Variants in MACF1 observed in about 807,000 individuals in gnomAD.
MACF1 encodes microtubule actin crosslinking factor 1.
Under a neutral mutation model 854.8 loss-of-function variants are expected in MACF1, and 193 were observed. The ratio of observed to expected loss-of-function variants is 0.23; its 90% CI spans 0.20 to 0.25. MACF1 has a LOEUF of 0.25. Ranked by LOEUF, MACF1 falls within the 10% of genes least tolerant of loss-of-function variation. The pLI is 1.00. For synonymous variants in MACF1, 3,185 were observed against 3,226.7 expected (o/e 0.99, Z 0.44); for missense variants, 7,722 against 8,929.1 (o/e 0.86, Z 5.45).
At chr1:39,182,087 GT>G (rs1644111599) in intron 2 of MACF1, among the ~76,000 whole-genome samples, 1 of 151,540 alleles carries the variant, frequency 6.6e-6, no homozygotes, top group African/African-American at 2.4e-5. Flanking sequence ...GGAGGCAGAG[GT>G]TGCAGTGAGC....
At position 39,300,387 on chromosome 1, in the gene MACF1, T is replaced by C. The variant is rs767047334; in HGVS notation, c.2634+25T>C. 4 of 1,601,694 alleles carry C rather than the reference T, an allele frequency of 2.5e-6. No individual in the cohort carries two copies. In the African/African-American group the frequency reaches 4.0e-5, roughly 16 times the overall value. ...GGTGAGGAGGTAGAAAGGGTACCTC[T>C]GGGCCACAGGGGGAAGGAAGAAAGA... On this transcript the variant is annotated intron_variant, in intron 22 of 100. Coordinates refer to ENST00000564288, the MANE Select transcript of MACF1 (RefSeq NM_001394062.1).
At chr1:39,119,038 A>G (rs752961443) in intron 2 of MACF1, among the ~76,000 whole-genome samples, 2 of 152,186 alleles carry the variant, frequency 1.3e-5, no homozygotes, top group Non-Finnish European at 2.9e-5. Flanking sequence ...AACAAGTGTT[A>G]TAGGCCACGG....
intron 58 of MACF1, chr1:39,414,576 G>T (rs776833977): frequency 2.6e-6 from 4 of 1,539,998 alleles, no homozygotes; most frequent in Admixed American, 2.0e-5. Flanking sequence ...TAGTTCTTTT[G>T]TTCTTTTTGG....
intron 6 of MACF1, among the ~76,000 whole-genome samples, chr1:39,275,113 C>T (rs1377697467): frequency 6.7e-6 from 1 of 148,880 alleles, no homozygotes; most frequent in African/African-American, 2.5e-5. Context: ...GAGTCTCGCT[C>T]TGTCGCCCAG....
chr1:39,143,742 C>A lies in MACF1; in HGVS notation c.220+59304C>A, dbSNP rs138381466. Among the ~76,000 whole-genome samples, 449 of 152,252 alleles carry A rather than the reference C, an allele frequency of 2.9e-3. 1 individual carries two copies. The highest frequency in any genetic ancestry group is 0.01 in the African/African-American group (433 of 41,552). On this transcript the variant is annotated intron_variant, in intron 2 of 93. Coordinates refer to the MACF1 transcript ENST00000361689. ...TAGTTTCAAGACCCTGAGGGAATTG[C>A]CAAGCCAGCAATTAGGCAATTTCTT...
chr1:39,101,374 GTA>G (rs112843404), intron 2 of MACF1, among the ~76,000 whole-genome samples: 11,314 of 124,074 alleles, frequency 0.091, 514 homozygotes, highest in Non-Finnish European at 0.11. Flanking sequence ...AAAAAAATAT[GTA>G]TATATATATA....
rs1447531291 is a variant in MACF1, at chr1:39,357,686, C to T, written c.11736C>T (p.Thr3912=). The change falls in exon 45 of 101, where the codon ACC becomes ACT. Residue 3912 remains threonine, a synonymous_variant. Transcript: ENST00000564288. Reference sequence around the variant, plus strand: ...ATAAGGGAGGCAGCAGCCCCGAGACCCTTCCCTCCCTGCTAAAGCGGCAAG... The same window carrying T: ...ATAAGGGAGGCAGCAGCCCCGAGACTCTTCCCTCCCTGCTAAAGCGGCAAG... ...NMHKGGSSPE[T]LPSLLKRQGS... The T allele has an allele frequency of 6.2e-7, 1 of 1,614,034 alleles. No homozygotes were observed. The highest frequency in any genetic ancestry group is 2.2e-5 in the East Asian group (1 of 44,872).
At chr1:39,410,212 G>A in intron 58 of MACF1, 1 of 1,332,128 alleles carries the variant, frequency 7.5e-7, no homozygotes, top group Non-Finnish European at 1.0e-6. Context: ...CATTTGGGGG[G>A]AACCTGTGAA....
intron 85 of MACF1, among the ~76,000 whole-genome samples, 197 bp from the exon 86 acceptor site, chr1:39,451,959 C>T (rs1473536774): frequency 1.3e-5 from 2 of 152,120 alleles, no homozygotes; most frequent in Non-Finnish European, 1.5e-5. Flanking sequence ...CCTCTCATCT[C>T]GGCTTCCCAA....
chr1:39,347,277 G>A, intron 41 of MACF1, 67 bp downstream of exon 41: 1 of 1,199,564 alleles, frequency 8.3e-7, no homozygotes, highest in South Asian at 1.3e-5. Flanking sequence ...GGGTTTTCTG[G>A]CCAGACTCTG....
At chr1:39,268,588 AGT>A in intron 6 of MACF1, 2 of 1,181,908 alleles carry the variant, frequency 1.7e-6, no homozygotes, top group South Asian at 3.2e-5. Flanking sequence ...TTGCCGGCAT[AGT>A]GCATGTTTTT....
chr1:39,444,927 C>T lies in MACF1; in HGVS notation c.19605+92C>T, dbSNP rs1644193929. On this transcript the variant is annotated intron_variant, in intron 80 of 100. Transcript: ENST00000564288. ...TATTTATATGAAGATTTTTTGAAGA[C>T]CAGGGTATTGTAACAGAAGTTGCAG... 2.5e-6 allele frequency: 3 copies of T among 1,191,874 alleles called. No homozygotes were observed. The East Asian group carries it at 7.2e-5, about 29-fold the overall frequency. The allele number at this position is 1,191,874 out of a possible 1,614,324, so 73.8% of individuals were successfully genotyped here. A position where few individuals can be genotyped will look rare whatever the true frequency, so the allele number is the denominator to read the frequency against.
intron 58 of MACF1, among the ~76,000 whole-genome samples, chr1:39,401,187 C>A (rs749425515): frequency 1.2e-4 from 19 of 152,136 alleles, no homozygotes; most frequent in Non-Finnish European, 2.2e-4. Context: ...TTTTCTGAGA[C>A]CATTTTGGCC....
chr1:39,119,770 A>G (rs1642648926), intron 2 of MACF1, among the ~76,000 whole-genome samples: 1 of 152,110 alleles, frequency 6.6e-6, no homozygotes, highest in Non-Finnish European at 1.5e-5. Flanking sequence ...AATTCTAAAT[A>G]CTGAATGCTT....
intron 2 of MACF1, among the ~76,000 whole-genome samples, chr1:39,197,648 A>G (rs578109850): frequency 6.6e-6 from 1 of 152,028 alleles, no homozygotes; most frequent in East Asian, 1.9e-4. Context: ...TTTGGGAGGC[A>G]GAGGCGGGAG....
rs148253091 is a variant in MACF1, at chr1:39,322,992, G to T, written c.4220G>T (p.Arg1407Leu). The change falls in exon 33 of 101, where the codon CGT becomes CTT. Residue 1407 changes from arginine to leucine, a missense_variant. By Grantham distance (102) the Arg-to-Leu change is moderately radical. This residue lies in a region of MACF1 where 1,137 missense variants were observed against 1,263.0 expected (regional missense o/e 0.90). Transcript: ENST00000564288. ...AAATACATCAGTGATGCACTCCGGC[G>T]TCTGGAGGAGGAGGAGGTGAGGACA... ...HVKYISDALR[R>L]LEEEEKVVEE... is the part of the protein sequence containing the mutation. 6 of 1,614,050 alleles carry T rather than the reference G, an allele frequency of 3.7e-6. No individual in the cohort carries two copies. Among genetic ancestry groups the T allele is most frequent in the South Asian group, 1.1e-5 (1 of 91,084 alleles).
intron 66 of MACF1, among the ~76,000 whole-genome samples, chr1:39,431,511 T>A (rs974167469): frequency 1.3e-5 from 2 of 152,236 alleles, no homozygotes; most frequent in Non-Finnish European, 2.9e-5. Flanking sequence ...CATATGCTTT[T>A]TGAATCACAC....
intron 49 of MACF1, among the ~76,000 whole-genome samples, chr1:39,363,172 T>C (rs934517266): frequency 2.0e-5 from 3 of 152,224 alleles, no homozygotes; most frequent in African/African-American, 7.2e-5. Context: ...TTGTTTCTAT[T>C]TGTATTCAAC....
intron 40 of MACF1, among the ~76,000 whole-genome samples, chr1:39,345,781 A>G (rs1009703837): frequency 1.3e-5 from 2 of 152,142 alleles, no homozygotes; most frequent in African/African-American, 4.8e-5. Flanking sequence ...TTTTTAAAAG[A>G]TTGATGGCCG....
Sources: allele counts gnomAD v4.1 joint callset (sites outside exome capture counted in the v4.1 genomes callset), GRCh38; gene constraint gnomAD v4.1.1; regional missense constraint gnomAD v4.1.1; transcripts MANE v1.5; gene names NCBI Gene and HGNC (gene_info 2026-07-23, HGNC 2026-07-21).